GAN: variants seen among roughly 807,000 people sequenced by gnomAD.
The protein encoded by GAN is gigaxonin, also known as epididymis secretory sperm binding protein.
GAN carries 48 observed loss-of-function variants against 71.3 expected under a neutral mutation model. The ratio of observed to expected loss-of-function variants is 0.67; its 90% CI spans 0.53 to 0.86. GAN has a LOEUF of 0.86. GAN is among the 40% of genes least tolerant of loss of function. The pLI is 0.00. For synonymous variants in GAN, 386 were observed against 276.8 expected (o/e 1.39, Z -3.92); for missense variants, 928 against 770.1 (o/e 1.21, Z -2.43).
intron 1 of GAN, among the ~76,000 whole-genome samples, chr16:81,350,384 G>T (rs9932108): frequency 0.011 from 1,694 of 152,240 alleles, 31 homozygotes; most frequent in African/African-American, 0.039. Flanking sequence ...TTATGAATCC[G>T]CAGATGCCCT....
intron 1 of GAN, 99 bp downstream of exon 1, chr16:81,315,379 C>A: frequency 2.4e-6 from 2 of 845,362 alleles, no homozygotes; most frequent in Non-Finnish European, 3.2e-6. Context: ...GTCCCCTGTC[C>A]CCGGCGCCGG....
At chr16:81,346,658 C>T (rs909652228) in intron 1 of GAN, among the ~76,000 whole-genome samples, 2 of 152,198 alleles carry the variant, frequency 1.3e-5, no homozygotes, top group South Asian at 2.1e-4. Context: ...TCCACGAAAC[C>T]AGTCCCTGGT....
At chr16:81,336,452 AT>A (rs1465463932) in intron 1 of GAN, among the ~76,000 whole-genome samples, 7 of 152,068 alleles carry the variant, frequency 4.6e-5, no homozygotes, top group African/African-American at 1.7e-4. Context: ...ACATCCTTTT[AT>A]TTTTTATTTT....
chr16:81,340,650 C>T (rs1483252482), intron 1 of GAN, among the ~76,000 whole-genome samples: 8 of 151,954 alleles, frequency 5.3e-5, no homozygotes, highest in Non-Finnish European at 1.2e-4. Context: ...CATCAAAGAC[C>T]CAAGTAGATA....
At chr16:81,364,549 C>T (rs1910786098) in intron 7 of GAN, among the ~76,000 whole-genome samples, 1 of 152,176 alleles carries the variant, frequency 6.6e-6, no homozygotes, top group Admixed American at 6.5e-5. Context: ...GTTAGCCGGG[C>T]ACAGTGCTGT....
chr16:81,370,985 A>T (rs1237365207), intron 9 of GAN, among the ~76,000 whole-genome samples: 1 of 149,804 alleles, frequency 6.7e-6, no homozygotes, highest in African/African-American at 2.4e-5. Context: ...GATATGTTTT[A>T]TTTTCATGAC....
intron 5 of GAN, among the ~76,000 whole-genome samples, chr16:81,359,422 T>G (rs1910598131): frequency 6.6e-6 from 1 of 151,112 alleles, no homozygotes; most frequent in African/African-American, 2.4e-5. Context: ...TTTTTTTTTT[T>G]GCCTTTTTAA....
At chr16:81,356,173 C>T (rs989377497) in intron 3 of GAN, among the ~76,000 whole-genome samples, 2 of 152,302 alleles carry the variant, frequency 1.3e-5, no homozygotes, top group Admixed American at 1.3e-4. Context: ...ATTTTTAAAA[C>T]TCACAGTTTT....
intron 1 of GAN, among the ~76,000 whole-genome samples, chr16:81,326,503 A>G (rs1380969054): frequency 6.6e-6 from 1 of 152,250 alleles, no homozygotes; most frequent in East Asian, 1.9e-4. Flanking sequence ...ATTGCGCTCT[A>G]GCCTGGGCAA....
At chr16:81,318,771 C>G (rs190470930) in intron 1 of GAN, among the ~76,000 whole-genome samples, 39 of 152,308 alleles carry the variant, frequency 2.6e-4, no homozygotes, top group African/African-American at 8.7e-4. Context: ...GGCCAGAAAA[C>G]TCAGCTTTGG....
At chr16:81,341,385 G>C (rs1257049312) in intron 1 of GAN, among the ~76,000 whole-genome samples, 1 of 152,220 alleles carries the variant, frequency 6.6e-6, no homozygotes, top group Admixed American at 6.5e-5. Context: ...GGCAGCCAGA[G>C]AGAAAGGTCG....
Position 81,377,553 on chromosome 16 carries a change from A to G in GAN, c.1751A>G (p.Gln584Arg). The change falls in exon 11 of 11, where the codon CAG becomes CGG. Residue 584 changes from glutamine to arginine, a missense_variant. Coordinates refer to ENST00000648994, the MANE Select transcript of GAN (RefSeq NM_022041.4). The stretch of plus-strand genomic sequence containing the variant: ...GCGAATTGCAAGCTTTTCCGCCTGC[A>G]GCTTCAGCAAGGCTTATTCCGTATT... ...RIANCKLFRL[Q>R]LQQGLFRIRV... is the part of the protein sequence containing the mutation. The G allele has an allele frequency of 6.2e-7, 1 of 1,614,234 alleles. No individual in the cohort carries two copies. Among genetic ancestry groups the G allele is most frequent in the Non-Finnish European group, 8.5e-7 (1 of 1,180,046 alleles).
rs562370296 is a variant in GAN, at chr16:81,326,160, G to A, written c.167+10880G>A. 7.9e-4 allele frequency among the ~76,000 whole-genome samples: 120 copies of A among 152,248 alleles called. 1 individual carries two copies. Among genetic ancestry groups the A allele is most frequent in the African/African-American group, 2.7e-3 (113 of 41,542 alleles). ...GACATATGGAGTGGGTGATTTTAAA[G>A]CCCATCATCTTTTTTGTCCAGGGCC... On this transcript the variant is annotated intron_variant, in intron 1 of 10. Coordinates refer to ENST00000648994, the MANE Select transcript of GAN (RefSeq NM_022041.4).
At chr16:81,357,158 A>G (rs1010872880) in intron 4 of GAN, among the ~76,000 whole-genome samples, 156 bp downstream of exon 4, 1 of 152,022 alleles carries the variant, frequency 6.6e-6, no homozygotes, top group Admixed American at 6.5e-5. Flanking sequence ...CACAATGTGC[A>G]GGTTAGTTAC....
At chr16:81,353,655 C>T (rs9921359) in intron 2 of GAN, among the ~76,000 whole-genome samples, 3 of 152,000 alleles carry the variant, frequency 2.0e-5, no homozygotes, top group African/African-American at 2.4e-5. Flanking sequence ...GCTTTGGGGT[C>T]GTCCACTTAG....
At chr16:81,364,873 T>G in intron 7 of GAN, 101 bp from the exon 8 acceptor site, 1 of 1,176,364 alleles carries the variant, frequency 8.5e-7, no homozygotes, top group South Asian at 1.2e-5. Context: ...ATCAAACCCC[T>G]TCCTAAATCT....
At chr16:81,350,015 TAAAAC>T (rs1910245877) in intron 1 of GAN, among the ~76,000 whole-genome samples, 1 of 152,140 alleles carries the variant, frequency 6.6e-6, no homozygotes, top group Non-Finnish European at 1.5e-5. Flanking sequence ...TATAAGTTCT[TAAAAC>T]AAAAAGCATT....
intron 1 of GAN, among the ~76,000 whole-genome samples, chr16:81,338,141 T>C (rs906440400): frequency 3.3e-5 from 5 of 152,230 alleles, no homozygotes; most frequent in Non-Finnish European, 5.9e-5. Context: ...GCATAGTATT[T>C]ATATTTGAAC....
intron 5 of GAN, among the ~76,000 whole-genome samples, chr16:81,361,892 G>T (rs1432686920): frequency 6.6e-6 from 1 of 152,092 alleles, no homozygotes; most frequent in Non-Finnish European, 1.5e-5. Context: ...ATGAAGTCTT[G>T]CTGTGTTGCC....
Sources: gnomAD v4.1 joint callset for allele counts (sites outside exome capture counted in the v4.1 genomes callset) on GRCh38, gnomAD v4.1.1 for gene constraint, MANE v1.5 for transcripts, NCBI Gene and HGNC (gene_info 2026-07-23, HGNC 2026-07-21) for gene names.